The following HS3ST3A1 variants were observed in gnomAD, a reference collection of about 807,000 sequenced individuals.
The protein encoded by HS3ST3A1 is heparan sulfate-glucosamine 3-sulfotransferase 3A1.
A neutral mutation model predicts 25.7 loss-of-function variants in HS3ST3A1; 19 were observed. That is an observed-to-expected ratio of 0.74 (90% CI 0.52 to 1.08). HS3ST3A1 has a LOEUF of 1.08. Among genes scored for constraint, HS3ST3A1 ranks in the 50% least tolerant of loss-of-function variants. HS3ST3A1 has a pLI of 0.00. For missense variants in HS3ST3A1, 459 were observed against 594.3 expected (o/e 0.77, Z 2.37); for synonymous variants, 226 against 278.6 (o/e 0.81, Z 1.88).
At chr17:13,524,066 C>T (rs1906334573) in intron 1 of HS3ST3A1, among the ~76,000 whole-genome samples, 1 of 152,078 alleles carries the variant, frequency 6.6e-6, no homozygotes. Context: ...TTCCTCTTTA[C>T]AGGTTTTAAA....
At chr17:13,526,495 T>TAC (rs1355384910) in intron 1 of HS3ST3A1, among the ~76,000 whole-genome samples, 1 of 135,342 alleles carries the variant, frequency 7.4e-6, no homozygotes, top group African/African-American at 2.7e-5. Context: ...TATATATATA[T>TAC]ATATATATAT....
intron 1 of HS3ST3A1, among the ~76,000 whole-genome samples, chr17:13,508,272 T>C (rs1905750183): frequency 6.6e-6 from 1 of 152,174 alleles, no homozygotes; most frequent in Non-Finnish European, 1.5e-5. Context: ...GTACCAAAGC[T>C]TACTTCAAGA....
At chr17:13,541,837 A>T (rs1159394743) in intron 1 of HS3ST3A1, among the ~76,000 whole-genome samples, 2 of 152,088 alleles carry the variant, frequency 1.3e-5, no homozygotes, top group East Asian at 3.9e-4. Flanking sequence ...ACCTCCAGAA[A>T]CCTCTTTCAA....
At chr17:13,543,268 G>T (rs1906987514) in intron 1 of HS3ST3A1, among the ~76,000 whole-genome samples, 1 of 152,148 alleles carries the variant, frequency 6.6e-6, no homozygotes, top group South Asian at 2.1e-4. Context: ...GCAGTCTTGT[G>T]AGACTGAGCC....
At chr17:13,598,852 A>G (rs1488310145) in intron 1 of HS3ST3A1, among the ~76,000 whole-genome samples, 1 of 152,202 alleles carries the variant, frequency 6.6e-6, no homozygotes, top group Non-Finnish European at 1.5e-5. Flanking sequence ...AATAAAGTTT[A>G]TATGGCAAAA....
In HS3ST3A1 at chr17:13,601,706, A is replaced by G. The variant is rs28470223; in HGVS notation, c.-577T>C. 0.38 allele frequency: 58,165 copies of G among 152,718 alleles called. 13,480 individuals carry two copies. Among genetic ancestry groups the G allele is most frequent in the African/African-American group, 0.66 (27,365 of 41,520 alleles). 9.5% of individuals were successfully genotyped at this position (152,718 alleles called of 1,614,324 possible). On this transcript the variant is annotated 5_prime_UTR_variant, in exon 1 of 2. Coordinates refer to ENST00000284110, the MANE Select transcript of HS3ST3A1 (RefSeq NM_006042.3). ...TCTCCGCCCGAGTTCAGGTTCTCTC[A>G]GCCAAGGAGCGAGGTCCCCCCGAGT...
At position 13,600,901 on chromosome 17, in the gene HS3ST3A1, C is replaced by G; in HGVS notation, c.229G>C (p.Glu77Gln). 6.6e-7 allele frequency: 1 copy of G among 1,514,032 alleles called. No individual in the cohort carries two copies. The highest frequency in any genetic ancestry group is 8.8e-7 in the Non-Finnish European group (1 of 1,134,028). 93.8% of individuals were successfully genotyped at this position (1,514,032 alleles called of 1,614,324 possible). The change falls in exon 1 of 2, where the codon GAG becomes CAG. Residue 77 changes from glutamate (E) to glutamine (Q), a missense_variant. This residue lies in a region of HS3ST3A1 where 346 missense variants were observed against 303.9 expected (regional missense o/e 1.14). Coordinates refer to ENST00000284110, the MANE Select transcript of HS3ST3A1 (RefSeq NM_006042.3). ...GGGVLAGGPR[E>Q]LAVWPAAAQR... is the part of the protein sequence containing the mutation. ...GCCGCCGCCGGCCACACCGCCAGCT[C>G]CCTCGGGCCTCCGGCCAGGACGCCG... is the stretch of plus-strand genomic sequence containing the variant.
intron 1 of HS3ST3A1, among the ~76,000 whole-genome samples, chr17:13,584,953 C>T (rs1480646200): frequency 2.0e-5 from 3 of 152,090 alleles, no homozygotes; most frequent in Non-Finnish European, 4.4e-5. Context: ...TGTCACACCG[C>T]AAAAGCCCAC....
chr17:13,596,690 G>T (rs1309330622), intron 1 of HS3ST3A1, among the ~76,000 whole-genome samples: 1 of 152,094 alleles, frequency 6.6e-6, no homozygotes, highest in Non-Finnish European at 1.5e-5. Flanking sequence ...TAAGGACAGA[G>T]CGCCCTTGGC....
intron 1 of HS3ST3A1, among the ~76,000 whole-genome samples, chr17:13,516,011 G>T (rs113959126): frequency 1.1e-4 from 16 of 152,150 alleles, no homozygotes; most frequent in African/African-American, 2.6e-4. Context: ...AGTTTTAAAA[G>T]TTCTTTATAT....
chr17:13,495,193 C>T lies in HS3ST3A1; in HGVS notation c.*1004G>A, dbSNP rs925343784. On this transcript the variant is annotated 3_prime_UTR_variant, in exon 2 of 2. Transcript: ENST00000284110. Reference sequence around the variant, plus strand: ...ATCAACAAATGGGTAAGTTACGTTCCTAACACATCTTGTGCTACCCCTAGT... The same window carrying T: ...ATCAACAAATGGGTAAGTTACGTTCTTAACACATCTTGTGCTACCCCTAGT... Among the ~76,000 whole-genome samples the T allele has an allele frequency of 4.6e-5, 7 of 151,794 alleles. No individual in the cohort carries two copies. The highest frequency in any genetic ancestry group is 1.7e-4 in the African/African-American group (7 of 41,354).
At chr17:13,575,789 C>G (rs1426054767) in intron 1 of HS3ST3A1, among the ~76,000 whole-genome samples, 1 of 152,246 alleles carries the variant, frequency 6.6e-6, no homozygotes, top group Non-Finnish European at 1.5e-5. Context: ...TCGTTCCCAT[C>G]AATGCTGGGA....
chr17:13,547,979 CAGGTATGGTGTTATTAA>C (rs1270226217), intron 1 of HS3ST3A1, among the ~76,000 whole-genome samples: 1 of 150,578 alleles, frequency 6.6e-6, no homozygotes, highest in African/African-American at 2.4e-5. Flanking sequence ...CGTTTGGCGT[CAGGTATGGTGTTATTAA>C]ACACAGCACA....
rs1428029774 is a variant in HS3ST3A1 at position 13,494,917 on chromosome 17, G to A, written c.*1280C>T. Among the ~76,000 whole-genome samples, 2 of 152,040 alleles carry A rather than the reference G, an allele frequency of 1.3e-5. No homozygotes were observed. The highest frequency in any genetic ancestry group is 2.9e-5 in the Non-Finnish European group (2 of 67,992). ...TATTACTGAACATTAGGTTATAAAT[G>A]GTATAAATAGGAAGTGGGAGGGGGG... is the stretch of plus-strand genomic sequence containing the variant. On this transcript the variant is annotated 3_prime_UTR_variant, in exon 2 of 2. Transcript: ENST00000284110.
At chr17:13,592,432 C>T (rs3785690) in intron 1 of HS3ST3A1, among the ~76,000 whole-genome samples, 21,720 of 152,070 alleles carry the variant, frequency 0.14, 1,654 homozygotes, top group African/African-American at 0.18. Flanking sequence ...AGATATACCG[C>T]GGGGTCCAAT....
intron 1 of HS3ST3A1, among the ~76,000 whole-genome samples, chr17:13,499,322 G>A (rs1598405701): frequency 6.6e-6 from 1 of 152,328 alleles, no homozygotes. Context: ...TCTAAGGTGA[G>A]CCAGGAGATC....
intron 1 of HS3ST3A1, among the ~76,000 whole-genome samples, chr17:13,572,554 C>T (rs530004217): frequency 1.3e-5 from 2 of 152,302 alleles, no homozygotes; most frequent in African/African-American, 4.8e-5. Flanking sequence ...GGGATTTGAT[C>T]CTGAGGTTGA....
intron 1 of HS3ST3A1, among the ~76,000 whole-genome samples, chr17:13,535,928 A>T (rs1906758147): frequency 6.6e-6 from 1 of 152,160 alleles, no homozygotes; most frequent in Non-Finnish European, 1.5e-5. Context: ...GAATTATACT[A>T]GATTCTTTCA....
At chr17:13,575,410 G>T (rs904721408) in intron 1 of HS3ST3A1, among the ~76,000 whole-genome samples, 1 of 152,164 alleles carries the variant, frequency 6.6e-6, no homozygotes, top group African/African-American at 2.4e-5. Context: ...AAAGGCAGGG[G>T]TATGCTTTGA....
Sources: gnomAD v4.1 joint callset for allele counts (sites outside exome capture counted in the v4.1 genomes callset) on GRCh38, gnomAD v4.1.1 for gene constraint, gnomAD v4.1.1 regional missense constraint, MANE v1.5 for transcripts, NCBI Gene and HGNC (gene_info 2026-07-23, HGNC 2026-07-21) for gene names.